Variants in EPHB1 observed in about 807,000 individuals in gnomAD.
The protein encoded by EPHB1 is EPH receptor B1.
Under a neutral mutation model 94.4 loss-of-function variants are expected in EPHB1, and 30 were observed. The ratio of observed to expected loss-of-function variants is 0.32; its 90% CI spans 0.24 to 0.43. The LOEUF is 0.43. EPHB1 is among the 20% of genes least tolerant of loss of function. The pLI, the probability that EPHB1 is intolerant of heterozygous loss-of-function variation, is 1.00. For missense variants in EPHB1, 1,055 were observed against 1,308.3 expected (o/e 0.81, Z 2.99); for synonymous variants, 522 against 489.1 (o/e 1.07, Z -0.89).
intron 3 of EPHB1, among the ~76,000 whole-genome samples, chr3:135,036,176 GAGGCCGTTGGCATAGGTAGCACAGCA>G (rs1266985973): frequency 6.6e-6 from 1 of 152,170 alleles, no homozygotes. Context: ...GAAGACAGAG[GAGGCCGTTGGCATAGGTAGCACAGCA>G]AGGCCGTTGA....
intron 3 of EPHB1, among the ~76,000 whole-genome samples, chr3:135,060,712 T>G (rs191632373): frequency 1.3e-5 from 2 of 152,324 alleles, no homozygotes; most frequent in African/African-American, 2.4e-5. Flanking sequence ...GATAGAGGCA[T>G]ACAGTGCATA....
intron 9 of EPHB1, among the ~76,000 whole-genome samples, chr3:135,172,228 G>GTCATCAT (rs1941824114): frequency 6.6e-6 from 1 of 152,210 alleles, no homozygotes; most frequent in African/African-American, 2.4e-5. Flanking sequence ...CACCCAGGCA[G>GTCATCAT]GAACCTGGAA....
chr3:134,899,224 A>C (rs930320178), intron 1 of EPHB1, among the ~76,000 whole-genome samples: 1 of 152,070 alleles, frequency 6.6e-6, no homozygotes, highest in Non-Finnish European at 1.5e-5. Flanking sequence ...CATGAAGTTC[A>C]TCATCATCAT....
At chr3:135,130,368 C>T (rs919493916) in intron 4 of EPHB1, among the ~76,000 whole-genome samples, 1 of 152,168 alleles carries the variant, frequency 6.6e-6, no homozygotes, top group Non-Finnish European at 1.5e-5. Flanking sequence ...GGATTTGTCA[C>T]ATAGAAAGCC....
chr3:134,954,806 G>A (rs962747333), intron 3 of EPHB1, among the ~76,000 whole-genome samples: 1 of 152,146 alleles, frequency 6.6e-6, no homozygotes, highest in Non-Finnish European at 1.5e-5. Flanking sequence ...CTTTGCTTCT[G>A]TGAAACCGTC....
intron 2 of EPHB1, among the ~76,000 whole-genome samples, chr3:134,933,507 A>C (rs875984): frequency 0.34 from 51,987 of 151,902 alleles, 9,278 homozygotes; most frequent in Middle Eastern, 0.51. Flanking sequence ...AACAGAGGGA[A>C]TCAGGATATA....
At chr3:134,948,715 G>A (rs1457442632) in intron 2 of EPHB1, among the ~76,000 whole-genome samples, 1 of 152,264 alleles carries the variant, frequency 6.6e-6, no homozygotes, top group African/African-American at 2.4e-5. Flanking sequence ...CACAAGGCAT[G>A]CTGTGAAGGA....
intron 2 of EPHB1, among the ~76,000 whole-genome samples, chr3:134,949,773 T>G (rs1932946612): frequency 6.6e-6 from 1 of 152,204 alleles, no homozygotes; most frequent in African/African-American, 2.4e-5. Context: ...TTAAATTTAT[T>G]CCTGGAAATA....
chr3:135,167,830 T>A (rs74563726), intron 9 of EPHB1, among the ~76,000 whole-genome samples: 2 of 152,332 alleles, frequency 1.3e-5, no homozygotes, highest in East Asian at 3.9e-4. Flanking sequence ...AGGCTTCTTC[T>A]GTGAGCCTCA....
chr3:135,020,176 C>G (rs575177323), intron 3 of EPHB1, among the ~76,000 whole-genome samples: 5 of 152,262 alleles, frequency 3.3e-5, no homozygotes, highest in African/African-American at 1.2e-4. Flanking sequence ...CCTTATATGT[C>G]AAGTTTATTA....
intron 3 of EPHB1, among the ~76,000 whole-genome samples, chr3:135,005,981 C>T (rs1029410754): frequency 2.0e-5 from 3 of 152,202 alleles, no homozygotes; most frequent in African/African-American, 7.2e-5. Context: ...CTTGGCTCCT[C>T]CCCACATCTG....
intron 3 of EPHB1, among the ~76,000 whole-genome samples, chr3:135,022,262 G>C (rs1014142028): frequency 6.6e-6 from 1 of 152,166 alleles, no homozygotes; most frequent in Non-Finnish European, 1.5e-5. Flanking sequence ...GAGCCACCGC[G>C]CCCGGCCTGT....
At chr3:134,998,626 TA>T (rs1253455071) in intron 3 of EPHB1, among the ~76,000 whole-genome samples, 2 of 152,188 alleles carry the variant, frequency 1.3e-5, no homozygotes, top group African/African-American at 4.8e-5. Context: ...ATAAATTTGC[TA>T]AAAAATGTGT....
intron 4 of EPHB1, among the ~76,000 whole-genome samples, chr3:135,116,224 CA>C (rs780452474): frequency 6.6e-6 from 1 of 152,012 alleles, no homozygotes; most frequent in Non-Finnish European, 1.5e-5. Flanking sequence ...AAAACAAAAA[CA>C]AAAACAAAAA....
intron 12 of EPHB1, among the ~76,000 whole-genome samples, chr3:135,229,833 C>G (rs1943490225): frequency 1.3e-5 from 2 of 152,190 alleles, no homozygotes; most frequent in Admixed American, 1.3e-4. Context: ...CTCAGAGCAG[C>G]AGGAAGCCCA....
intron 3 of EPHB1, among the ~76,000 whole-genome samples, chr3:135,061,370 C>CCCA (rs58638741): frequency 2.4e-5 from 3 of 124,934 alleles, no homozygotes; most frequent in East Asian, 2.7e-4. Context: ...GAATGACCAC[C>CCCA]CCCCCCGACC....
chr3:134,998,700 C>A (rs972086858), intron 3 of EPHB1, among the ~76,000 whole-genome samples: 1 of 152,198 alleles, frequency 6.6e-6, no homozygotes, highest in African/African-American at 2.4e-5. Context: ...TGCGTTAAAT[C>A]ATTTATTCAT....
At chr3:134,976,039 C>G (rs1472438240) in intron 3 of EPHB1, among the ~76,000 whole-genome samples, 1 of 152,184 alleles carries the variant, frequency 6.6e-6, no homozygotes. Flanking sequence ...GGAACAGGCA[C>G]CTGGAGGGAG....
At chr3:135,170,018 G>C (rs13434048) in intron 9 of EPHB1, among the ~76,000 whole-genome samples, 1 of 152,150 alleles carries the variant, frequency 6.6e-6, no homozygotes, top group Non-Finnish European at 1.5e-5. Flanking sequence ...ACTATATCTG[G>C]ACCATCCACA....
Sources: allele counts gnomAD v4.1 joint callset (sites outside exome capture counted in the v4.1 genomes callset), GRCh38; gene constraint gnomAD v4.1.1; transcripts MANE v1.5; gene names NCBI Gene and HGNC (gene_info 2026-07-23, HGNC 2026-07-21).